The following TCEA2 variants were observed in gnomAD, a reference collection of about 807,000 sequenced individuals.
TCEA2 encodes the protein transcription elongation factor A2, also known as transcription elongation factor A protein 2.
A neutral mutation model predicts 40.8 loss-of-function variants in TCEA2; 21 were observed. That is an observed-to-expected ratio of 0.51 (90% CI 0.36 to 0.74). The LOEUF (loss-of-function observed/expected upper bound fraction) is 0.74. TCEA2 is among the 30% of genes least tolerant of loss of function. The probability of loss-of-function intolerance (pLI) is 0.00; values close to 1 mark genes in which losing one functional copy is unlikely to be tolerated. For missense variants in TCEA2, 326 were observed against 426.5 expected (o/e 0.76, Z 2.08); for synonymous variants, 165 against 162.7 (o/e 1.01, Z -0.11).
intron 3 of TCEA2, 56 bp from the exon 4 acceptor site, chr20:64,067,991 G>C: frequency 7.2e-7 from 1 of 1,387,094 alleles, no homozygotes; most frequent in South Asian, 1.3e-5. Context: ...GTGGTGGTCT[G>C]TGCCCCTCCC....
chr20:64,064,876 C>G (rs1344412133), intron 1 of TCEA2, among the ~76,000 whole-genome samples: 3 of 152,064 alleles, frequency 2.0e-5, no homozygotes, highest in African/African-American at 7.3e-5. Context: ...TGGAGTTGTT[C>G]CCCTTCTTAA....
chr20:64,061,737 TTTC>T (rs2059569183), upstream of TCEA2, among the ~76,000 whole-genome samples: 1 of 151,926 alleles, frequency 6.6e-6, no homozygotes, highest in African/African-American at 2.4e-5. Context: ...TCTCTTTTTT[TTTC>T]TTTTGAGACG....
upstream of TCEA2, among the ~76,000 whole-genome samples, chr20:64,056,384 G>A (rs1418997402): frequency 1.3e-5 from 2 of 152,198 alleles, no homozygotes; most frequent in Non-Finnish European, 2.9e-5. Flanking sequence ...CCTGCTGGTG[G>A]GGGCATCCAA....
intron 4 of TCEA2, among the ~76,000 whole-genome samples, chr20:64,069,009 G>C (rs906967834): frequency 2.0e-5 from 3 of 152,260 alleles, no homozygotes; most frequent in African/African-American, 7.2e-5. Flanking sequence ...TTGCGGCCCA[G>C]TGGGTGGGCA....
At chr20:64,071,989 G>A in intron 9 of TCEA2, 48 bp downstream of exon 9, 1 of 1,611,984 alleles carries the variant, frequency 6.2e-7, no homozygotes, top group Non-Finnish European at 8.5e-7. Context: ...TTCTCTGGAG[G>A]TGGGGTGTCT....
chr20:64,062,083 G>A (rs150143555), upstream of TCEA2, among the ~76,000 whole-genome samples: 822 of 152,334 alleles, frequency 5.4e-3, 5 homozygotes, highest in African/African-American at 0.019. Flanking sequence ...CTGCGGGGAA[G>A]CTCAGTTATA....
At chr20:64,071,006 G>A (rs2059816421) in intron 8 of TCEA2, among the ~76,000 whole-genome samples, 1 of 152,244 alleles carries the variant, frequency 6.6e-6, no homozygotes, top group Admixed American at 6.5e-5. Flanking sequence ...GGTGGACACT[G>A]AGTGTGCTGG....
Position 64,066,845 on chromosome 20 carries a change from G to T in TCEA2, c.136-70G>T, listed in dbSNP as rs1287179299. ...CTCCTGTCCTGTGGGGGCCACCAAG[G>T]CTCTGCCAGGAGAATCTGACCCCTA... On this transcript the variant is annotated intron_variant, in intron 2 of 9. Transcript: ENST00000343484. The T allele has an allele frequency of 2.7e-6, 4 of 1,473,410 alleles. 1 individual carries two copies. Among genetic ancestry groups the T allele is most frequent in the Non-Finnish European group, 3.7e-6 (4 of 1,067,214 alleles). 91.3% of individuals were successfully genotyped at this position (1,473,410 alleles called of 1,614,324 possible). A position where few individuals can be genotyped will look rare whatever the true frequency, so the allele number is the denominator to read the frequency against.
chr20:64,069,288 C>T (rs1181997478), intron 4 of TCEA2, 73 bp from the exon 5 acceptor site: 5 of 1,494,006 alleles, frequency 3.3e-6, no homozygotes, highest in African/African-American at 1.4e-5. Flanking sequence ...GCACCTGCTG[C>T]TTCTAGGACC....
chr20:64,070,414 G>A lies in TCEA2; in HGVS notation c.672G>A (p.Glu224=), dbSNP rs1302676909. ...AGCAGATCGCTGTGATGACCTCAGA[G>A]GTGAGCCCCTGTTGGAGGGGCTGGA... ...TPQQIAVMTS[E]EMASDELKEI... Residue 224 remains glutamate (E), a splice_region_variant and synonymous_variant, in exon 7 of 10, where the codon GAG becomes GAA. Coordinates refer to ENST00000343484, the MANE Select transcript of TCEA2 (RefSeq NM_003195.6). 6.2e-7 allele frequency: 1 copy of A among 1,614,132 alleles called. No homozygotes were observed.
upstream of TCEA2, among the ~76,000 whole-genome samples, chr20:64,061,511 G>A (rs1461639416): frequency 1.3e-5 from 2 of 152,040 alleles, no homozygotes; most frequent in East Asian, 1.9e-4. Context: ...TCCTGACCTC[G>A]TGATCCGTCT....
upstream of TCEA2, among the ~76,000 whole-genome samples, chr20:64,061,390 C>T (rs1470030522): frequency 6.6e-6 from 1 of 152,052 alleles, no homozygotes; most frequent in Non-Finnish European, 1.5e-5. Flanking sequence ...ATTCTTCTGC[C>T]TCAGCCTGCG....
intron 2 of TCEA2, 79 bp from the exon 3 acceptor site, chr20:64,066,836 G>T (rs1033842476): frequency 1.4e-6 from 2 of 1,412,676 alleles, no homozygotes; most frequent in African/African-American, 2.8e-5. Flanking sequence ...TCCTGTGGGG[G>T]CCACCAAGGC....
chr20:64,056,944 G>C (rs933577053), upstream of TCEA2: 4 of 152,262 alleles, frequency 2.6e-5, no homozygotes, highest in Non-Finnish European at 5.9e-5. Flanking sequence ...ATTCCTAAAG[G>C]CCTATCCATA....
intron 3 of TCEA2, among the ~76,000 whole-genome samples, 155 bp downstream of exon 3, chr20:64,067,175 G>A (rs2059715459): frequency 6.6e-6 from 1 of 152,256 alleles, no homozygotes; most frequent in Non-Finnish European, 1.5e-5. Flanking sequence ...GAAGCGCCCA[G>A]CTTGGGGCTG....
chr20:64,066,524 C>T lies in TCEA2; in HGVS notation c.121C>T (p.Leu41=), dbSNP rs766041280. The T allele has an allele frequency of 1.2e-6, 2 of 1,613,820 alleles. No individual in the cohort carries two copies. Among genetic ancestry groups the T allele is most frequent in the Non-Finnish European group, 8.5e-7 (1 of 1,179,848 alleles). The change falls in exon 2 of 10, where the codon CTG becomes TTG. Residue 41 remains leucine, a synonymous_variant. Transcript: ENST00000343484. Reference sequence around the variant, plus strand: ...GGAGCTGAAGGCCATGCCTATCACGCTGCACCTGCTCCAGGTAGGTCCCTG... The same window carrying T: ...GGAGCTGAAGGCCATGCCTATCACGTTGCACCTGCTCCAGGTAGGTCCCTG... The part of the protein sequence containing the change: ...LRELKAMPIT[L]HLLQSTRVGM...
chr20:64,055,769 AGGCAGGG>A (rs2059467060), upstream of TCEA2, among the ~76,000 whole-genome samples: 1 of 152,116 alleles, frequency 6.6e-6, no homozygotes, highest in African/African-American at 2.4e-5. This position sits in a 1 kb window ranked among gnomAD's most constrained non-coding sequence, Gnocchi z 4.0. Flanking sequence ...CCCTGCCAGA[AGGCAGGG>A]GGCTCTGCTT....
At chr20:64,071,744 G>T in intron 8 of TCEA2, 126 bp from the exon 9 acceptor site, 1 of 1,094,186 alleles carries the variant, frequency 9.1e-7, no homozygotes, top group Non-Finnish European at 1.3e-6. Context: ...GGAGTCACGA[G>T]GCGGCCTCGG....
chr20:64,064,199 TA>T (rs2059634245), intron 1 of TCEA2: 1 of 152,264 alleles, frequency 6.6e-6, no homozygotes, highest in African/African-American at 2.4e-5. Context: ...GGTGTGCTTA[TA>T]TAAGAGCCAG....
Sources: allele counts gnomAD v4.1 joint callset (sites outside exome capture counted in the v4.1 genomes callset), GRCh38; gene constraint gnomAD v4.1.1; non-coding constraint Gnocchi (gnomAD v3.1); transcripts MANE v1.5; gene names NCBI Gene and HGNC (gene_info 2026-07-23, HGNC 2026-07-21).